CHN2: variants seen among roughly 807,000 people sequenced by gnomAD.
CHN2 encodes the protein chimerin 2.
CHN2 carries 35 observed loss-of-function variants against 56.3 expected under a neutral mutation model. The ratio of observed to expected loss-of-function variants is 0.62; its 90% CI spans 0.47 to 0.82. CHN2 has a LOEUF of 0.82. Among genes scored for constraint, CHN2 ranks in the 40% least tolerant of loss-of-function variants. The pLI, the probability that CHN2 is intolerant of heterozygous loss-of-function variation, is 0.00. For synonymous variants in CHN2, 210 were observed against 212.8 expected, an observed-to-expected ratio of 0.99 and a Z score of 0.12; for missense variants, 491 against 580.5, an observed-to-expected ratio of 0.85 and a Z score of 1.58.
chr7:29,332,466 G>A (rs1267511234), intron 1 of CHN2, among the ~76,000 whole-genome samples: 1 of 152,244 alleles, frequency 6.6e-6, no homozygotes, highest in South Asian at 2.1e-4. Context: ...AGTAGGAACC[G>A]TACTATGAAT....
At chr7:29,309,477 T>C (rs1223485715) in intron 1 of CHN2, among the ~76,000 whole-genome samples, 6 of 152,200 alleles carry the variant, frequency 3.9e-5, no homozygotes, top group African/African-American at 1.2e-4. Context: ...ATATTCACAG[T>C]GGCCCCCGGT....
At chr7:29,348,333 C>G (rs1176402070) in intron 1 of CHN2, among the ~76,000 whole-genome samples, 1 of 152,174 alleles carries the variant, frequency 6.6e-6, no homozygotes, top group Non-Finnish European at 1.5e-5. Context: ...AGGTGGCTTT[C>G]AAGTCTTAAC....
chr7:29,341,605 G>A (rs1328810784), intron 1 of CHN2, among the ~76,000 whole-genome samples: 1 of 151,052 alleles, frequency 6.6e-6, no homozygotes, highest in African/African-American at 2.4e-5. Flanking sequence ...AGGAGAGAAG[G>A]ATGGGAGGGA....
rs1184310588 is a variant in CHN2 at position 29,478,656 on chromosome 7, G to T, written c.577-1623G>T. On this transcript the variant is annotated intron_variant, in intron 6 of 12. Coordinates refer to ENST00000222792, the MANE Select transcript of CHN2 (RefSeq NM_004067.4). ...TAGGCTGCATGTCCTTGGGCAAATT[G>T]CTTTACCTCTCAGTGCCTTGCTCTC... Among the ~76,000 whole-genome samples, 7 of 152,172 alleles carry T rather than the reference G, an allele frequency of 4.6e-5. 1 individual carries two copies. The highest frequency in any genetic ancestry group is 1.0e-4 in the Non-Finnish European group (7 of 68,030).
Position 29,500,018 on chromosome 7 carries a change from C to T in CHN2, c.891C>T (p.Cys297=). 1 of 1,551,080 alleles carries T rather than the reference C, an allele frequency of 6.4e-7. No homozygotes were observed. Among genetic ancestry groups the T allele is most frequent in the Non-Finnish European group, 8.7e-7 (1 of 1,148,072 alleles). The stretch of plus-strand genomic sequence containing the variant: ...AGAGACCCATGGTGGTAGACATATG[C>T]ATTCGGGAAATTGAAGCAAGAGGTT... ...NTQRPMVVDI[C]IREIEARGLK... is the part of the protein sequence containing the mutation. Residue 297 remains cysteine (C), a synonymous_variant, in exon 9 of 13, where the codon TGC becomes TGT. Coordinates refer to ENST00000222792, the MANE Select transcript of CHN2 (RefSeq NM_004067.4).
chr7:29,416,729 G>T (rs1803783992), intron 6 of CHN2, among the ~76,000 whole-genome samples: 1 of 152,160 alleles, frequency 6.6e-6, no homozygotes, highest in Non-Finnish European at 1.5e-5. Context: ...AAATGACAGT[G>T]ATTAATTAGA....
At chr7:29,243,806 T>C (rs76495794) in intron 1 of CHN2, among the ~76,000 whole-genome samples, 1 of 152,326 alleles carries the variant, frequency 6.6e-6, no homozygotes, top group East Asian at 1.9e-4. Context: ...CCTTTCAATG[T>C]TGAATACGTA....
chr7:29,502,716 A>G (rs1453791001), intron 9 of CHN2, among the ~76,000 whole-genome samples: 1 of 151,906 alleles, frequency 6.6e-6, no homozygotes, highest in African/African-American at 2.4e-5. Flanking sequence ...AAACCATACA[A>G]CTTGGCATAT....
intron 2 of CHN2, among the ~76,000 whole-genome samples, chr7:29,355,135 AT>A (rs1356418154): frequency 6.6e-6 from 1 of 151,330 alleles, no homozygotes; most frequent in African/African-American, 2.4e-5. Flanking sequence ...TGCCCGGCTA[AT>A]TTTTTTGTAT....
chr7:29,360,891 A>G (rs957465167), intron 2 of CHN2, among the ~76,000 whole-genome samples: 6 of 152,182 alleles, frequency 3.9e-5, no homozygotes, highest in African/African-American at 1.4e-4. Flanking sequence ...TTTCTTACTG[A>G]AGAAAAAGTA....
intron 3 of CHN2, 74 bp downstream of exon 3, chr7:29,368,061 A>G (rs1003163839): frequency 1.5e-5 from 19 of 1,265,478 alleles, no homozygotes; most frequent in Non-Finnish European, 2.0e-5. Flanking sequence ...GAGTGGAGGG[A>G]TTTCAGGTTT....
At position 29,226,835 on chromosome 7, in the gene CHN2, C is replaced by A. The variant is rs187231533; in HGVS notation, c.49+31845C>A. On this transcript the variant is annotated intron_variant, in intron 1 of 12. Transcript: ENST00000222792. ...AACTTATTTTTGTCTTTGTTTTCCC[C>A]TGAAATGAGTGTCCTTCACCTAGTC... Among the ~76,000 whole-genome samples, 235 of 152,178 alleles carry A rather than the reference C, an allele frequency of 1.5e-3. 1 individual carries two copies. Among genetic ancestry groups the A allele is most frequent in the African/African-American group, 5.3e-3 (220 of 41,520 alleles).
intron 7 of CHN2, among the ~76,000 whole-genome samples, chr7:29,493,414 T>C (rs1187796821): frequency 6.6e-6 from 1 of 152,202 alleles, no homozygotes; most frequent in African/African-American, 2.4e-5. Flanking sequence ...ATTCACACAA[T>C]TTTAAATATC....
chr7:29,274,914 C>T (rs1791058612), intron 1 of CHN2, among the ~76,000 whole-genome samples: 1 of 152,140 alleles, frequency 6.6e-6, no homozygotes, highest in South Asian at 2.1e-4. Flanking sequence ...TCAGAGATCA[C>T]CCAGCGCAGA....
At chr7:29,413,303 C>G (rs1444720290) in intron 6 of CHN2, among the ~76,000 whole-genome samples, 4 of 152,192 alleles carry the variant, frequency 2.6e-5, no homozygotes, top group African/African-American at 9.7e-5. Context: ...AAAGCACTGT[C>G]ATTTGCAAGA....
At chr7:29,354,325 C>G (rs1312480032) in intron 1 of CHN2, among the ~76,000 whole-genome samples, 1 of 152,184 alleles carries the variant, frequency 6.6e-6, no homozygotes, top group South Asian at 2.1e-4. Flanking sequence ...GAAAGGATTA[C>G]TAGAGGGTAT....
At position 29,400,678 on chromosome 7, in the gene CHN2, G is replaced by A. The variant is rs1171654244; in HGVS notation, c.426G>A (p.Glu142=). The change falls in exon 6 of 13, where the codon GAG becomes GAA. Residue 142 remains glutamate (E), a synonymous_variant. Transcript: ENST00000222792. ...ITLYIETKAA[E]YISKMTTNPI... The stretch of plus-strand genomic sequence containing the variant: ...TGTACATAGAAACAAAAGCTGCCGA[G>A]TACATTTCAAAAATGACAACTAACC... The A allele has an allele frequency of 3.7e-6, 6 of 1,614,144 alleles. No homozygotes were observed. Among genetic ancestry groups the A allele is most frequent in the Non-Finnish European group, 5.1e-6 (6 of 1,180,036 alleles).
chr7:29,511,950 T>G (rs1791490670), intron 12 of CHN2, among the ~76,000 whole-genome samples: 1 of 152,200 alleles, frequency 6.6e-6, no homozygotes, highest in Admixed American at 6.5e-5. Context: ...TAATTTCAAC[T>G]GCTGTAGACC....
chr7:29,260,424 G>C (rs755492144), intron 1 of CHN2, among the ~76,000 whole-genome samples: 3 of 152,122 alleles, frequency 2.0e-5, no homozygotes, highest in Non-Finnish European at 2.9e-5. Flanking sequence ...TTCATTTGCG[G>C]AACTGGGTAA....
Sources: gnomAD v4.1 joint callset for allele counts (sites outside exome capture counted in the v4.1 genomes callset) on GRCh38, gnomAD v4.1.1 for gene constraint, MANE v1.5 for transcripts, NCBI Gene and HGNC (gene_info 2026-07-23, HGNC 2026-07-21) for gene names.